ANO2: variants seen among roughly 807,000 people sequenced by gnomAD.
ANO2 encodes the protein anoctamin-2.
ANO2 carries 101 observed loss-of-function variants against 124.2 expected under a neutral mutation model. That is an observed-to-expected ratio of 0.81 (90% CI 0.69 to 0.96). The LOEUF (loss-of-function observed/expected upper bound fraction) is 0.96, where lower values mean the gene tolerates loss of function less well. Ranked by LOEUF, ANO2 falls within the 40% of genes least tolerant of loss-of-function variation. The probability of loss-of-function intolerance (pLI) is 0.00; values close to 1 mark genes in which losing one functional copy is unlikely to be tolerated. For synonymous variants in ANO2, 486 were observed against 482.5 expected, an observed-to-expected ratio of 1.01 and a Z score of -0.09; for missense variants, 1,293 against 1,274.5, an observed-to-expected ratio of 1.01 and a Z score of -0.22.
At chr12:5,653,244 G>A (rs1311410087) in intron 14 of ANO2, among the ~76,000 whole-genome samples, 1 of 152,190 alleles carries the variant, frequency 6.6e-6, no homozygotes, top group Non-Finnish European at 1.5e-5. Context: ...ATCATCATCT[G>A]CCTCAACCCT....
At chr12:5,901,193 A>C (rs1940181507) in intron 3 of ANO2, among the ~76,000 whole-genome samples, 1 of 152,240 alleles carries the variant, frequency 6.6e-6, no homozygotes, top group South Asian at 2.1e-4. Flanking sequence ...CGGCCTTTGC[A>C]TCTGGGGATA....
intron 10 of ANO2, among the ~76,000 whole-genome samples, chr12:5,789,752 T>C (rs1952643814): frequency 6.6e-6 from 1 of 152,214 alleles, no homozygotes; most frequent in Non-Finnish European, 1.5e-5. Flanking sequence ...TGGTTTTCCA[T>C]TTCTAAAACA....
intron 19 of ANO2, among the ~76,000 whole-genome samples, chr12:5,603,841 A>T (rs4930769): frequency 6.7e-6 from 1 of 150,152 alleles, no homozygotes; most frequent in Admixed American, 6.6e-5. Context: ...GCTACTCGGG[A>T]GGCTGAGGCA....
chr12:5,750,771 A>T, intron 11 of ANO2, 65 bp downstream of exon 11: 1 of 1,525,766 alleles, frequency 6.6e-7, no homozygotes, highest in Non-Finnish European at 8.9e-7. Context: ...ATGTACTTGT[A>T]CTGGGATGAA....
chr12:5,632,343 A>G (rs1478975826), intron 16 of ANO2, among the ~76,000 whole-genome samples: 3 of 151,984 alleles, frequency 2.0e-5, no homozygotes, highest in Non-Finnish European at 4.4e-5. Context: ...TTAGAGGTAG[A>G]ATCTGAGTCT....
chr12:5,758,034 G>C (rs948146311), intron 10 of ANO2, among the ~76,000 whole-genome samples: 2 of 152,078 alleles, frequency 1.3e-5, no homozygotes, highest in African/African-American at 4.8e-5. Flanking sequence ...GTTGCACACA[G>C]GTATGAAAAA....
intron 10 of ANO2, among the ~76,000 whole-genome samples, chr12:5,798,583 T>C (rs1307485845): frequency 6.6e-6 from 1 of 152,080 alleles, no homozygotes; most frequent in Non-Finnish European, 1.5e-5. Context: ...GGGCAGTGAG[T>C]CCACCATGTC....
chr12:5,902,131 G>A (rs1192733403), intron 3 of ANO2, among the ~76,000 whole-genome samples: 1 of 152,212 alleles, frequency 6.6e-6, no homozygotes, highest in Non-Finnish European at 1.5e-5. Context: ...ACAGCATAGT[G>A]AGAAAGCTAC....
chr12:5,920,739 C>A (rs1333921445), intron 3 of ANO2, among the ~76,000 whole-genome samples: 4 of 152,000 alleles, frequency 2.6e-5, no homozygotes, highest in African/African-American at 7.2e-5. Flanking sequence ...TGGTGGCGGG[C>A]GCCTATAGTC....
chr12:5,887,259 C>T (rs1184275338), intron 3 of ANO2, among the ~76,000 whole-genome samples: 2 of 151,882 alleles, frequency 1.3e-5, no homozygotes, highest in Non-Finnish European at 2.9e-5. Flanking sequence ...CCCCAAACCC[C>T]AATGAAATGT....
At chr12:5,714,736 A>G (rs1438557579) in intron 14 of ANO2, among the ~76,000 whole-genome samples, 2 of 151,978 alleles carry the variant, frequency 1.3e-5, no homozygotes, top group African/African-American at 4.8e-5. Flanking sequence ...AAGAATTTAC[A>G]TTTTCAGAAT....
chr12:5,836,103 C>T (rs1954308591), intron 4 of ANO2, among the ~76,000 whole-genome samples: 2 of 152,156 alleles, frequency 1.3e-5, no homozygotes, highest in Non-Finnish European at 2.9e-5. Flanking sequence ...CTGTCCACTC[C>T]TCTCCGTCTC....
chr12:5,744,027 A>T, intron 12 of ANO2, 130 bp downstream of exon 12: 1 of 1,105,966 alleles, frequency 9.0e-7, no homozygotes, highest in Non-Finnish European at 1.3e-6. Context: ...TGTCATCCTT[A>T]AAATACTTCT....
chr12:5,681,525 A>G (rs1192217950), intron 14 of ANO2, among the ~76,000 whole-genome samples: 1 of 152,194 alleles, frequency 6.6e-6, no homozygotes, highest in Non-Finnish European at 1.5e-5. Flanking sequence ...AGGAGACTTG[A>G]TGGCTGAGAA....
chr12:5,639,288 A>G (rs1946210185), intron 15 of ANO2, among the ~76,000 whole-genome samples: 2 of 152,170 alleles, frequency 1.3e-5, no homozygotes, highest in South Asian at 2.1e-4. Flanking sequence ...CATCATCGAC[A>G]TAGTACGCTG....
chr12:5,845,082 G>A (rs1219183315), intron 4 of ANO2, among the ~76,000 whole-genome samples: 1 of 151,852 alleles, frequency 6.6e-6, no homozygotes, highest in African/African-American at 2.4e-5. Flanking sequence ...GACCAGCCTG[G>A]GCAACATGGG....
At chr12:5,797,607 C>A (rs1000736862) in intron 10 of ANO2, among the ~76,000 whole-genome samples, 1 of 152,114 alleles carries the variant, frequency 6.6e-6, no homozygotes, top group Non-Finnish European at 1.5e-5. Flanking sequence ...ACTTCTCTTT[C>A]CAGCAGTTTC....
chr12:5,672,886 CA>C (rs746442960), intron 14 of ANO2, among the ~76,000 whole-genome samples: 12 of 152,172 alleles, frequency 7.9e-5, no homozygotes, highest in Admixed American at 3.3e-4. Context: ...GGAAGTTCTA[CA>C]TAGTCTTATG....
At chr12:5,599,425 C>A in intron 20 of ANO2, 59 bp downstream of exon 20, 1 of 1,530,908 alleles carries the variant, frequency 6.5e-7, no homozygotes. Context: ...CCCCCTTCAA[C>A]CCCACAGACC....
Sources: allele counts gnomAD v4.1 joint callset (sites outside exome capture counted in the v4.1 genomes callset), GRCh38; gene constraint gnomAD v4.1.1; transcripts MANE v1.5; gene names NCBI Gene and HGNC (gene_info 2026-07-23, HGNC 2026-07-21).